The following PHF24 variants were observed in gnomAD, a reference collection of about 807,000 sequenced individuals.
The protein encoded by PHF24 is PHD finger protein 24.
A neutral mutation model predicts 42.6 loss-of-function variants in PHF24; 25 were observed. The ratio of observed to expected loss-of-function variants is 0.59; its 90% CI spans 0.43 to 0.82. The LOEUF (loss-of-function observed/expected upper bound fraction) is 0.82, where lower values mean the gene tolerates loss of function less well. Among genes scored for constraint, PHF24 ranks in the 40% least tolerant of loss-of-function variants. The pLI is 0.00. For missense variants in PHF24, 470 were observed against 538.1 expected (o/e 0.87, Z 1.25); for synonymous variants, 185 against 204.8 (o/e 0.90, Z 0.83).
the PHF24 span, among the ~76,000 whole-genome samples, chr9:34,740,248 C>T: frequency 2.0e-5 from 3 of 152,234 alleles, no homozygotes; most frequent in Non-Finnish European, 2.9e-5. Flanking sequence ...CTCCTCAGCC[C>T]TTGGGTGGTC....
At chr9:34,804,669 ATCTC>A in the PHF24 span, among the ~76,000 whole-genome samples, 1 of 152,276 alleles carries the variant, frequency 6.6e-6, no homozygotes, top group Middle Eastern at 3.4e-3. Flanking sequence ...ATGAATGTAG[ATCTC>A]TCTGACTCCA....
At chr9:34,682,816 G>A in the PHF24 span, among the ~76,000 whole-genome samples, 1 of 152,150 alleles carries the variant, frequency 6.6e-6, no homozygotes, top group East Asian at 1.9e-4. Context: ...GGTTATTAGA[G>A]AATCCATTTT....
chr9:34,744,784 A>C, the PHF24 span, among the ~76,000 whole-genome samples: 4 of 152,142 alleles, frequency 2.6e-5, no homozygotes, highest in African/African-American at 7.2e-5. Context: ...GCTCTAAAGA[A>C]TAGGTCTTGC....
chr9:34,880,784 A>G, the PHF24 span, among the ~76,000 whole-genome samples: 1 of 152,198 alleles, frequency 6.6e-6, no homozygotes, highest in Non-Finnish European at 1.5e-5. Flanking sequence ...CACTGTCAAC[A>G]TTAGACAGAT....
the PHF24 span, among the ~76,000 whole-genome samples, chr9:34,947,059 G>T: frequency 6.6e-6 from 1 of 152,152 alleles, no homozygotes; most frequent in Non-Finnish European, 1.5e-5. Flanking sequence ...GCTCCATGTG[G>T]TTCTCATTCA....
chr9:34,741,369 CT>C, the PHF24 span, among the ~76,000 whole-genome samples: 16 of 147,456 alleles, frequency 1.1e-4, no homozygotes, highest in East Asian at 2.0e-4. Context: ...TTTTCTTTTT[CT>C]TTTTTTTTTG....
the PHF24 span, among the ~76,000 whole-genome samples, chr9:34,729,063 C>T: frequency 1.3e-5 from 2 of 152,192 alleles, no homozygotes; most frequent in Non-Finnish European, 2.9e-5. Context: ...TTATCTAGTT[C>T]TCAATCCAAA....
the PHF24 span, among the ~76,000 whole-genome samples, chr9:34,929,670 A>T: frequency 0.2 from 29,980 of 152,220 alleles, 3,093 homozygotes; most frequent in South Asian, 0.25. Context: ...CACCATAAGC[A>T]GCAATCTGTA....
chr9:34,736,217 C>T, the PHF24 span, among the ~76,000 whole-genome samples: 1 of 151,952 alleles, frequency 6.6e-6, no homozygotes, highest in Admixed American at 6.6e-5. Flanking sequence ...AACAAACACA[C>T]GTATATGCAA....
chr9:34,756,664 C>T, the PHF24 span, among the ~76,000 whole-genome samples: 1 of 152,064 alleles, frequency 6.6e-6, no homozygotes, highest in Non-Finnish European at 1.5e-5. Flanking sequence ...CAGCTTTGTT[C>T]TTTTTGCTCA....
At chr9:34,906,991 TTTTTA>T in the PHF24 span, among the ~76,000 whole-genome samples, 1 of 152,080 alleles carries the variant, frequency 6.6e-6, no homozygotes, top group African/African-American at 2.4e-5. Flanking sequence ...ACCCCTCTAA[TTTTTA>T]TTTTATTTTC....
the PHF24 span, chr9:34,729,550 A>G: frequency 3.0e-6 from 3 of 998,780 alleles, no homozygotes; most frequent in Middle Eastern, 3.3e-4. Context: ...GAACTAGGCC[A>G]CCAGACTGCA....
the PHF24 span, among the ~76,000 whole-genome samples, chr9:34,873,879 A>G: frequency 2.6e-5 from 4 of 151,084 alleles, no homozygotes; most frequent in East Asian, 1.9e-4. Flanking sequence ...CTTTTATTTC[A>G]TTGAGCAGTG....
chr9:34,902,550 A>G, the PHF24 span, among the ~76,000 whole-genome samples: 4 of 152,128 alleles, frequency 2.6e-5, no homozygotes, highest in African/African-American at 7.2e-5. Context: ...GCAACTCAGG[A>G]GGCTGAGGTG....
chr9:34,832,198 G>T, the PHF24 span: 1 of 390,130 alleles, frequency 2.6e-6, no homozygotes, highest in Non-Finnish European at 4.6e-6. Flanking sequence ...GTCCTCTGGA[G>T]GGCTGCAGCA....
chr9:34,945,728 A>G, the PHF24 span, among the ~76,000 whole-genome samples: 1 of 152,118 alleles, frequency 6.6e-6, no homozygotes, highest in African/African-American at 2.4e-5. Flanking sequence ...ACACAGCACA[A>G]AGGCCCTTGT....
chr9:34,900,393 G>A, the PHF24 span, among the ~76,000 whole-genome samples: 15 of 152,248 alleles, frequency 9.9e-5, no homozygotes, highest in East Asian at 2.7e-3. Context: ...GAGCTCAAGA[G>A]TTCAAGACCA....
the PHF24 span, chr9:34,893,084 C>T: frequency 2.1e-6 from 2 of 940,604 alleles, no homozygotes; most frequent in Admixed American, 5.2e-5. Context: ...CATAACATTG[C>T]AGATTTGGCA....
the PHF24 span, among the ~76,000 whole-genome samples, chr9:34,667,809 A>G: frequency 2.2e-4 from 33 of 152,204 alleles, no homozygotes; most frequent in Admixed American, 1.8e-3. Flanking sequence ...GAATGGAGCC[A>G]TAGAACTCAT....
Sources: gnomAD v4.1 joint callset for allele counts (sites outside exome capture counted in the v4.1 genomes callset) on GRCh38, gnomAD v4.1.1 for gene constraint, MANE v1.5 for transcripts, NCBI Gene and HGNC (gene_info 2026-07-23, HGNC 2026-07-21) for gene names.